DENND4A: variants seen among roughly 807,000 people sequenced by gnomAD.
DENND4A encodes C-myc promoter-binding protein.
In DENND4A, 70 loss-of-function variants were observed where a neutral mutation model predicts 199.3. The observed-to-expected ratio is 0.35, with a 90% CI of 0.29 to 0.43. The LOEUF is 0.43. DENND4A is among the 20% of genes least tolerant of loss of function. The probability of loss-of-function intolerance (pLI) is 1.00; values close to 1 mark genes in which losing one functional copy is unlikely to be tolerated. For synonymous variants in DENND4A, 686 were observed against 766.9 expected, an observed-to-expected ratio of 0.89 and a Z score of 1.74; for missense variants, 1,723 against 2,255.8, an observed-to-expected ratio of 0.76 and a Z score of 4.78.
At chr15:65,733,406 A>T (rs2076018829) in intron 7 of DENND4A, among the ~76,000 whole-genome samples, 1 of 152,148 alleles carries the variant, frequency 6.6e-6, no homozygotes, top group African/African-American at 2.4e-5. Flanking sequence ...GGGGGGAATA[A>T]GCTATTTTAT....
At chr15:65,759,857 GTATTT>G (rs890711312) in intron 2 of DENND4A, among the ~76,000 whole-genome samples, 2 of 152,142 alleles carry the variant, frequency 1.3e-5, no homozygotes, top group African/African-American at 4.8e-5. Context: ...GGGCTGCATA[GTATTT>G]TATTTTATGG....
rs1173819784 is a variant in DENND4A, at chr15:65,667,330, AAAAAT to A, written c.5241+114_5241+118del. The stretch of plus-strand genomic sequence containing the variant: ...GGCGAAAGAGTGAGACTACGTCTCA[AAAAAT>A]AAAATAAAATAAATTTAGCATAAAA... On this transcript the variant is annotated intron_variant, in intron 29 of 32. Transcript: ENST00000443035. The A allele has an allele frequency of 1.7e-5, 21 of 1,266,320 alleles. No individual in the cohort carries two copies. In the South Asian group the frequency reaches 1.8e-4, roughly 11 times the overall value. 78.4% of individuals were successfully genotyped at this position (1,266,320 alleles called of 1,614,324 possible).
chr15:65,766,862 A>AT (rs1160980805), intron 1 of DENND4A: 1 of 152,214 alleles, frequency 6.6e-6, no homozygotes, highest in Non-Finnish European at 1.5e-5. Flanking sequence ...ATATAAGAAC[A>AT]TTAAAAAAAA....
Position 65,699,601 on chromosome 15 carries a change from ATATG to A in DENND4A, c.2833+939_2833+942del, listed in dbSNP as rs1414878182. On this transcript the variant is annotated intron_variant, in intron 20 of 32. Coordinates refer to ENST00000443035, the MANE Select transcript of DENND4A (RefSeq NM_001320835.1). Reference sequence around the variant, plus strand: ...TATATAAATACATATACATATGTGTATATGTATTATACACACATGTTATACATAT... The same window carrying A: ...TATATAAATACATATACATATGTGTATATTATACACACATGTTATACATAT... 1.6e-4 allele frequency among the ~76,000 whole-genome samples: 24 copies of A among 149,420 alleles called. No individual in the cohort carries two copies. In the East Asian group the frequency reaches 1.7e-3, roughly 11 times the overall value.
At position 65,752,524 on chromosome 15, in the gene DENND4A, C is replaced by A; in HGVS notation, c.416G>T (p.Arg139Ile). The change falls in exon 4 of 33, where the codon AGA (arginine) becomes ATA (isoleucine). Residue 139 changes from arginine to isoleucine, a missense_variant. This residue lies in a region of DENND4A where 725 missense variants were observed against 952.9 expected (regional missense o/e 0.76). Transcript: ENST00000443035. ...ANISGSTSSQ[R>I]IYITYRRASE... Reference sequence around the variant, plus strand: ...GGCTCTTCGGTAAGTGATATAAATTCTTTGTGATGAGGTACTCCCACTAAT... The same window carrying A: ...GGCTCTTCGGTAAGTGATATAAATTATTTGTGATGAGGTACTCCCACTAAT... 1 of 1,613,552 alleles carries A rather than the reference C, an allele frequency of 6.2e-7. No individual in the cohort carries two copies. Among genetic ancestry groups the A allele is most frequent in the Admixed American group, 1.7e-5 (1 of 59,954 alleles).
At chr15:65,740,788 C>G (rs77559483) in intron 5 of DENND4A, among the ~76,000 whole-genome samples, 1 of 151,658 alleles carries the variant, frequency 6.6e-6, no homozygotes, top group Non-Finnish European at 1.5e-5. Context: ...TAAGAAAGAC[C>G]CTGTCTCTAC....
At chr15:65,736,602 T>G (rs185517799) in intron 7 of DENND4A, among the ~76,000 whole-genome samples, 121 of 152,216 alleles carry the variant, frequency 7.9e-4, no homozygotes, top group Middle Eastern at 3.4e-3. Flanking sequence ...CAAAGTTCAC[T>G]ACTACAGTTT....
At chr15:65,683,695 T>G (rs958668756) in intron 23 of DENND4A, among the ~76,000 whole-genome samples, 1 of 152,246 alleles carries the variant, frequency 6.6e-6, no homozygotes, top group African/African-American at 2.4e-5. Context: ...TTGAATTCTA[T>G]TGTGGTCAGA....
rs1290153885 is a variant in DENND4A at position 65,722,872 on chromosome 15, T to C, written c.1564A>G (p.Asn522Asp). Reference protein sequence around the residue: ...PCKNLMNTLNNLHQQLAKLQQ... With the variant: ...PCKNLMNTLNDLHQQLAKLQQ... Reference sequence around the variant, plus strand: ...CATTTTGCCAATTGCTGATGCAAATTATTCAGTGTGTTCATCAGATTTTTA... The same window carrying C: ...CATTTTGCCAATTGCTGATGCAAATCATTCAGTGTGTTCATCAGATTTTTA... Residue 522 changes from asparagine (N) to aspartate (D), a missense_variant, in exon 12 of 33, where the codon AAT becomes GAT. Physicochemically the swap from Asn to Asp is conservative, Grantham distance 23. Transcript: ENST00000443035. 6.2e-7 allele frequency: 1 copy of C among 1,607,358 alleles called. No individual in the cohort carries two copies. Among genetic ancestry groups the C allele is most frequent in the East Asian group, 2.2e-5 (1 of 44,516 alleles).
At chr15:65,720,600 C>T (rs1195294656) in intron 12 of DENND4A, among the ~76,000 whole-genome samples, 5 of 151,582 alleles carry the variant, frequency 3.3e-5, no homozygotes, top group Non-Finnish European at 5.9e-5. Flanking sequence ...TTAGTAGAGA[C>T]GGGGTTTTAC....
chr15:65,676,358 AT>A, intron 24 of DENND4A, 86 bp downstream of exon 24: 1 of 1,174,564 alleles, frequency 8.5e-7, no homozygotes, highest in Non-Finnish European at 1.2e-6. Flanking sequence ...AAAAAACAAC[AT>A]TAAATCATAA....
intron 1 of DENND4A, among the ~76,000 whole-genome samples, chr15:65,762,162 C>T (rs1420971108): frequency 6.6e-6 from 1 of 152,152 alleles, no homozygotes; most frequent in Non-Finnish European, 1.5e-5. Flanking sequence ...CATGTGCCAC[C>T]ATGCCCAGCT....
At chr15:65,686,439 T>C (rs865884939) in intron 23 of DENND4A, among the ~76,000 whole-genome samples, 1 of 152,204 alleles carries the variant, frequency 6.6e-6, no homozygotes, top group African/African-American at 2.4e-5. Context: ...CAACTGAGCG[T>C]TTTTAAATTT....
intron 1 of DENND4A, among the ~76,000 whole-genome samples, chr15:65,790,647 A>G (rs977709634): frequency 3.3e-5 from 5 of 152,166 alleles, no homozygotes; most frequent in African/African-American, 1.2e-4. Context: ...ATAAAGTAAA[A>G]ATTGCCGAAA....
At chr15:65,760,038 T>C (rs1289072632) in intron 2 of DENND4A, among the ~76,000 whole-genome samples, 1 of 152,216 alleles carries the variant, frequency 6.6e-6, no homozygotes, top group Non-Finnish European at 1.5e-5. Flanking sequence ...AGGTCAAAGG[T>C]TATATCAGCC....
At position 65,661,729 on chromosome 15, in the gene DENND4A, CTT is replaced by C. The variant is rs1467548819; in HGVS notation, c.*120_*121del. The C allele has an allele frequency of 8.0e-6, 7 of 878,506 alleles. No homozygotes were observed. Among genetic ancestry groups the C allele is most frequent in the Non-Finnish European group, 1.2e-5 (7 of 604,004 alleles). The allele number at this position is 878,506 out of a possible 1,614,324, so 54.4% of individuals were successfully genotyped here. ...CATTCTGTACATAAGCTGTCTGAGT[CTT>C]TTGAACCATTTACAAATTGTATTTT... On this transcript the variant is annotated 3_prime_UTR_variant, in exon 33 of 33. Coordinates refer to ENST00000443035, the MANE Select transcript of DENND4A (RefSeq NM_001320835.1).
At chr15:65,768,427 C>T (rs949589694) in intron 1 of DENND4A, among the ~76,000 whole-genome samples, 2 of 152,144 alleles carry the variant, frequency 1.3e-5, no homozygotes, top group African/African-American at 4.8e-5. Context: ...ATCACAAACA[C>T]CTCACAGGTC....
rs770120246 is a variant in DENND4A, at chr15:65,690,525, C to T, written c.4069G>A (p.Val1357Ile). The T allele has an allele frequency of 6.2e-7, 1 of 1,613,508 alleles. No homozygotes were observed. The highest frequency in any genetic ancestry group is 8.5e-7 in the Non-Finnish European group (1 of 1,179,652). The change falls in exon 23 of 33, where the codon GTA becomes ATA. Residue 1357 changes from valine to isoleucine, a missense_variant. Physicochemically the swap from Val to Ile is conservative, Grantham distance 29. Around this residue, in one of 6 missense-constraint regions of DENND4A, gnomAD observed 650 missense variants for 738.1 expected, o/e 0.88. Transcript: ENST00000443035. ...SPSFNLDTLL[V>I]PKLDVLRNSM... ...TTTCTTAGAACATCTAGTTTAGGTA[C>T]TAGTAGTGTATCTAAGTTAAATGAA...
intron 1 of DENND4A, among the ~76,000 whole-genome samples, chr15:65,784,596 C>A (rs1295364964): frequency 6.6e-6 from 1 of 152,156 alleles, no homozygotes; most frequent in Non-Finnish European, 1.5e-5. Flanking sequence ...CTTAACCAAT[C>A]TGATTTTAGT....
Sources: allele counts gnomAD v4.1 joint callset (sites outside exome capture counted in the v4.1 genomes callset), GRCh38; gene constraint gnomAD v4.1.1; regional missense constraint gnomAD v4.1.1; transcripts MANE v1.5; gene names NCBI Gene and HGNC (gene_info 2026-07-23, HGNC 2026-07-21).